Variants in SEMA4D observed in about 807,000 individuals in gnomAD.
SEMA4D encodes semaphorin-4D.
In SEMA4D, 22 loss-of-function variants were observed where a neutral mutation model predicts 74.8. The ratio of observed to expected loss-of-function variants is 0.29; its 90% CI spans 0.21 to 0.42. SEMA4D has a LOEUF of 0.42. Ranked by LOEUF, SEMA4D falls within the 10% of genes least tolerant of loss-of-function variation. The pLI is 1.00. For synonymous variants in SEMA4D, 445 were observed against 463.7 expected (o/e 0.96, Z 0.52); for missense variants, 937 against 1,118.4 (o/e 0.84, Z 2.31).
intron 5 of SEMA4D, 59 bp from the exon 6 acceptor site, chr9:89,396,894 C>CAA: frequency 6.8e-7 from 1 of 1,461,340 alleles, no homozygotes; most frequent in Non-Finnish European, 9.4e-7. Context: ...CTCCACTATT[C>CAA]AAACTGCTCA....
chr9:89,461,860 G>A (rs11265906), intron 1 of SEMA4D, among the ~76,000 whole-genome samples: 18,406 of 151,676 alleles, frequency 0.12, 1,430 homozygotes, highest in Non-Finnish European at 0.17. Flanking sequence ...GCGCCACTAC[G>A]CCCGGCTAAT....
chr9:89,453,932 A>C (rs1855282977), intron 2 of SEMA4D, among the ~76,000 whole-genome samples: 1 of 142,714 alleles, frequency 7.0e-6, no homozygotes, highest in Admixed American at 7.5e-5. Flanking sequence ...ATCTTGGCTC[A>C]CTGCAAGCTC....
At chr9:89,458,501 C>T (rs1856486719) in intron 1 of SEMA4D, among the ~76,000 whole-genome samples, 1 of 152,096 alleles carries the variant, frequency 6.6e-6, no homozygotes, top group African/African-American at 2.4e-5. Context: ...ATGCCACACA[C>T]ATGCCACAAA....
intron 1 of SEMA4D, among the ~76,000 whole-genome samples, chr9:89,473,479 T>C (rs1860946786): frequency 6.6e-6 from 1 of 152,036 alleles, no homozygotes; most frequent in Non-Finnish European, 1.5e-5. Context: ...ACACCTGTGG[T>C]CCCAGCTACT....
At chr9:89,488,744 A>C (rs1220694037) in intron 1 of SEMA4D, among the ~76,000 whole-genome samples, 1 of 152,262 alleles carries the variant, frequency 6.6e-6, no homozygotes, top group South Asian at 2.1e-4. Context: ...GATAATCTTT[A>C]TCACTATGGA....
chr9:89,425,634 C>T (rs940698496), intron 2 of SEMA4D, among the ~76,000 whole-genome samples: 1 of 152,232 alleles, frequency 6.6e-6, no homozygotes, highest in African/African-American at 2.4e-5. Flanking sequence ...GCTGCTTTGA[C>T]ATCAGGGGCA....
chr9:89,402,319 A>G (rs1323799917), intron 4 of SEMA4D, among the ~76,000 whole-genome samples: 2 of 152,238 alleles, frequency 1.3e-5, no homozygotes, highest in African/African-American at 2.4e-5. Flanking sequence ...CTGAATGGAC[A>G]GGGTGACCAG....
chr9:89,424,060 C>T (rs1847602374), intron 2 of SEMA4D, among the ~76,000 whole-genome samples: 1 of 151,198 alleles, frequency 6.6e-6, no homozygotes. Context: ...CAGCACCTCC[C>T]CTTTCTCAGC....
intron 6 of SEMA4D, among the ~76,000 whole-genome samples, chr9:89,394,259 G>A (rs1250510577): frequency 6.6e-6 from 1 of 152,168 alleles, no homozygotes; most frequent in Non-Finnish European, 1.5e-5. Flanking sequence ...AGCCACATGA[G>A]GAAAACAATG....
intron 1 of SEMA4D, among the ~76,000 whole-genome samples, chr9:89,473,122 A>T (rs897827521): frequency 5.3e-5 from 8 of 152,164 alleles, no homozygotes; most frequent in Non-Finnish European, 1.0e-4. Flanking sequence ...GCGCTCATTC[A>T]ACTTATCTTA....
chr9:89,384,926 G>A (rs147735549), intron 13 of SEMA4D: 20 of 985,426 alleles, frequency 2.0e-5, no homozygotes, highest in African/African-American at 7.0e-5. Flanking sequence ...AGGACCCCAC[G>A]GCAGGCAGGA....
rs12238114 is a variant in SEMA4D, at chr9:89,408,279, G to A, written c.-243-2580C>T. 4.9e-3 allele frequency among the ~76,000 whole-genome samples: 743 copies of A among 152,278 alleles called. 19 individuals carry two copies. The East Asian group carries it at 0.06, about 12-fold the overall frequency. ...CAAGTCCTGGCCCCACAGAACCCAC[G>A]CCCTGGAGTGGGGCTGCGTGGAAGC... is the stretch of plus-strand genomic sequence containing the variant. On this transcript the variant is annotated intron_variant, in intron 2 of 15. Transcript: ENST00000422704.
chr9:89,496,033 G>C (rs1825987670), intron 1 of SEMA4D, among the ~76,000 whole-genome samples: 1 of 152,136 alleles, frequency 6.6e-6, no homozygotes, highest in Non-Finnish European at 1.5e-5. Flanking sequence ...GCGGCTCTAG[G>C]TAACATCTGC....
At chr9:89,487,176 A>T (rs904520882) in intron 1 of SEMA4D, among the ~76,000 whole-genome samples, 3 of 149,930 alleles carry the variant, frequency 2.0e-5, no homozygotes, top group Non-Finnish European at 4.4e-5. Flanking sequence ...ACAAATATAT[A>T]AAAAAGATAC....
At chr9:89,440,899 A>C (rs1214024906) in intron 2 of SEMA4D, among the ~76,000 whole-genome samples, 1 of 152,232 alleles carries the variant, frequency 6.6e-6, no homozygotes, top group Non-Finnish European at 1.5e-5. Flanking sequence ...GTTGGACCTG[A>C]AGGGTGAGGT....
chr9:89,421,008 A>C (rs563082428), intron 2 of SEMA4D, among the ~76,000 whole-genome samples: 6 of 152,376 alleles, frequency 3.9e-5, no homozygotes, highest in African/African-American at 1.4e-4. Context: ...TCAGAGAGAT[A>C]TAACAAGCAG....
At position 89,450,660 on chromosome 9, in the gene SEMA4D, G is replaced by GGAAA. The variant is rs1491451024; in HGVS notation, c.-244+5227_-244+5228insTTTC. ...GAGTTCTGCAAGTCGAAAAACCCAGGAAAAAAAAAAAAAAAAAAAAAAAAA... is the reference window on the plus strand; with the variant it reads ...GAGTTCTGCAAGTCGAAAAACCCAGGGAAAAAAAAAAAAAAAAAAAAAAAAAAAA... On this transcript the variant is annotated intron_variant, in intron 2 of 15. Transcript: ENST00000422704. 6.3e-3 allele frequency: 2,704 copies of GGAAA among 429,508 alleles called. 270 individuals carry two copies. The highest frequency in any genetic ancestry group is 7.1e-3 in the Non-Finnish European group (1,987 of 278,468). The allele number at this position is 429,508 out of a possible 1,614,324, so 26.6% of individuals were successfully genotyped here. A position where few individuals can be genotyped will look rare whatever the true frequency, so the allele number is the denominator to read the frequency against.
At chr9:89,495,966 G>A (rs1430569123) in intron 1 of SEMA4D, among the ~76,000 whole-genome samples, 1 of 152,202 alleles carries the variant, frequency 6.6e-6, no homozygotes, top group Non-Finnish European at 1.5e-5. Context: ...GTCAAAGCTG[G>A]CCATTAGCGT....
Position 89,423,203 on chromosome 9 carries a change from T to A in SEMA4D, c.-243-17504A>T, listed in dbSNP as rs937232853. ...AGCTCAAACTTTTTTTTTTTTTTTT[T>A]AAATTGAGATGGAGTTTCACTCTTG... On this transcript the variant is annotated intron_variant, in intron 2 of 15. Coordinates refer to ENST00000422704, the MANE Select transcript of SEMA4D (RefSeq NM_001371194.2). Among the ~76,000 whole-genome samples, 243 of 137,054 alleles carry A rather than the reference T, an allele frequency of 1.8e-3. 1 individual carries two copies. The highest frequency in any genetic ancestry group is 5.5e-3 in the African/African-American group (212 of 38,498). 89.9% of individuals were successfully genotyped at this position (137,054 alleles called of 152,430 possible). A position where few individuals can be genotyped will look rare whatever the true frequency, so the allele number is the denominator to read the frequency against.
Sources: gnomAD v4.1 joint callset for allele counts (sites outside exome capture counted in the v4.1 genomes callset) on GRCh38, gnomAD v4.1.1 for gene constraint, MANE v1.5 for transcripts, NCBI Gene and HGNC (gene_info 2026-07-23, HGNC 2026-07-21) for gene names.